Variants in IL6ST observed in about 807,000 individuals in gnomAD.
The protein encoded by IL6ST is interleukin 6 cytokine family signal transducer.
IL6ST carries 24 observed loss-of-function variants against 91.3 expected under a neutral mutation model. The ratio of observed to expected loss-of-function variants is 0.26; its 90% CI spans 0.19 to 0.37. The LOEUF (loss-of-function observed/expected upper bound fraction) is 0.37. Ranked by LOEUF, IL6ST falls within the 10% of genes least tolerant of loss-of-function variation. The pLI is 1.00. For missense variants in IL6ST, 914 were observed against 1,078.5 expected, an observed-to-expected ratio of 0.85 and a Z score of 2.14; for synonymous variants, 351 against 373.6, an observed-to-expected ratio of 0.94 and a Z score of 0.70.
intron 11 of IL6ST, 143 bp from the exon 12 acceptor site, chr5:55,952,494 T>C (rs777640313): frequency 1.9e-6 from 1 of 534,980 alleles, no homozygotes; most frequent in Non-Finnish European, 3.3e-6. Context: ...TTGTCTTTTG[T>C]GTACTGGATT....
intron 11 of IL6ST, among the ~76,000 whole-genome samples, chr5:55,953,675 C>T (rs1251857392): frequency 6.6e-6 from 1 of 152,198 alleles, no homozygotes; most frequent in South Asian, 2.1e-4. Flanking sequence ...CGTGAGCCAC[C>T]GCATCGGCTG....
chr5:55,958,958 T>C (rs1380257150), intron 8 of IL6ST, among the ~76,000 whole-genome samples: 4 of 151,880 alleles, frequency 2.6e-5, no homozygotes, highest in Non-Finnish European at 4.4e-5. Context: ...AGGCTGCTGG[T>C]ACAGAAGTTA....
In IL6ST at chr5:55,960,451, T is replaced by C. The variant is rs568564244; in HGVS notation, c.924A>G (p.Gly308=). 1.2e-6 allele frequency: 2 copies of C among 1,614,038 alleles called. No homozygotes were observed. The highest frequency in any genetic ancestry group is 2.7e-5 in the African/African-American group (2 of 75,026). The change falls in exon 8 of 17, where the codon GGA becomes GGG. Residue 308 remains glycine (G), a synonymous_variant. Transcript: ENST00000381298. ...CTTCTTCACTCCAGTCACTCCAGTA[T>C]CCCTTACCATCTTCCTTCATACAGC... The part of the protein sequence containing the change: ...RIRCMKEDGK[G]YWSDWSEEAS...
At chr5:55,963,845 T>C (rs1752480174) in intron 6 of IL6ST, among the ~76,000 whole-genome samples, 1 of 152,158 alleles carries the variant, frequency 6.6e-6, no homozygotes, top group African/African-American at 2.4e-5. Context: ...ACAGAAAACA[T>C]TCAAAGTGAA....
intron 8 of IL6ST, among the ~76,000 whole-genome samples, chr5:55,958,413 T>C (rs563137332): frequency 1.3e-5 from 2 of 152,336 alleles, no homozygotes; most frequent in African/African-American, 2.4e-5. Context: ...TCATTTTTAC[T>C]TATCATTGTT....
intron 1 of IL6ST, among the ~76,000 whole-genome samples, chr5:55,983,610 T>G (rs1470832684): frequency 6.6e-6 from 1 of 152,216 alleles, no homozygotes; most frequent in African/African-American, 2.4e-5. Context: ...TTCATACACA[T>G]TAAGCCTTTG....
At position 55,994,878 on chromosome 5, in the gene IL6ST, C is replaced by T. The variant is rs937884770; in HGVS notation, c.-198G>A. On this transcript the variant is annotated 5_prime_UTR_variant, in exon 1 of 17. Coordinates refer to ENST00000381298, the MANE Select transcript of IL6ST (RefSeq NM_002184.4). ...GACCCGTCGGCCTGGCAGGCGCGGC[C>T]CCCGGTTCAGCTGCGCCGGGGCGGC... is the stretch of plus-strand genomic sequence containing the variant. The T allele has an allele frequency of 6.6e-6, 1 of 152,400 alleles. No individual in the cohort carries two copies. Among genetic ancestry groups the T allele is most frequent in the South Asian group, 2.1e-4 (1 of 4,826 alleles). 9.4% of individuals were successfully genotyped at this position (152,400 alleles called of 1,614,324 possible). A position where few individuals can be genotyped will look rare whatever the true frequency, so the allele number is the denominator to read the frequency against.
At chr5:55,982,353 T>C (rs1439131681) in intron 2 of IL6ST, among the ~76,000 whole-genome samples, 5 of 152,274 alleles carry the variant, frequency 3.3e-5, no homozygotes, top group African/African-American at 9.6e-5. Flanking sequence ...AATTGCCAAA[T>C]AGAAGGCAAA....
rs763446698 is a variant in IL6ST at position 55,969,891 on chromosome 5, G to A, written c.65-36C>T. ...ACAATAGAAAATATATAAATGGACT[G>A]AATTTTTCTGGTACAAAATGATATC... On this transcript the variant is annotated intron_variant, in intron 3 of 16. Transcript: ENST00000381298. 5 of 1,400,468 alleles carry A rather than the reference G, an allele frequency of 3.6e-6. No homozygotes were observed. The Admixed American group carries it at 5.8e-5, about 16-fold the overall frequency. 86.8% of individuals were successfully genotyped at this position (1,400,468 alleles called of 1,614,324 possible).
chr5:55,951,056 T>G (rs1452214239), intron 14 of IL6ST, among the ~76,000 whole-genome samples: 1 of 152,006 alleles, frequency 6.6e-6, no homozygotes, highest in East Asian at 1.9e-4. Context: ...AGTGCAGGGG[T>G]GGGGTAGGAC....
chr5:55,947,982 A>G (rs1346920624), intron 14 of IL6ST, among the ~76,000 whole-genome samples: 4 of 152,258 alleles, frequency 2.6e-5, no homozygotes, highest in African/African-American at 9.6e-5. Context: ...CAGAGAAATT[A>G]TGTCAGAACA....
At chr5:55,989,520 C>G (rs1561208836) in intron 1 of IL6ST, among the ~76,000 whole-genome samples, 1 of 152,098 alleles carries the variant, frequency 6.6e-6, no homozygotes, top group Non-Finnish European at 1.5e-5. Flanking sequence ...TGCTTATGAC[C>G]TTAGGGCCTT....
chr5:55,957,427 T>C (rs945865886), intron 8 of IL6ST, 136 bp from the exon 9 acceptor site: 2 of 476,468 alleles, frequency 4.2e-6, no homozygotes, highest in Non-Finnish European at 7.4e-6. Context: ...TATACCAGCA[T>C]TTTCCCAACC....
At chr5:55,970,797 C>A (rs1391274244) in intron 3 of IL6ST, among the ~76,000 whole-genome samples, 1 of 152,114 alleles carries the variant, frequency 6.6e-6, no homozygotes, top group East Asian at 1.9e-4. Context: ...ATCCCAGCTG[C>A]TTGGGAGGCT....
At chr5:55,985,276 G>A (rs1430344432) in intron 1 of IL6ST, among the ~76,000 whole-genome samples, 1 of 152,104 alleles carries the variant, frequency 6.6e-6, no homozygotes, top group Non-Finnish European at 1.5e-5. Flanking sequence ...ATCACTTTGG[G>A]AGGCCGAAGT....
In IL6ST at chr5:55,960,372, C is replaced by T. The variant is rs1246055791; in HGVS notation, c.973+30G>A. On this transcript the variant is annotated intron_variant, in intron 8 of 16. Transcript: ENST00000381298. The stretch of plus-strand genomic sequence containing the variant: ...CAGTTCACATCTGGAATTCCAATAG[C>T]TTTACTTCTTCATATACTTATGTAC... 3.2e-6 allele frequency: 5 copies of T among 1,577,758 alleles called. No homozygotes were observed. The South Asian group carries it at 3.5e-5, about 11-fold the overall frequency.
chr5:55,956,596 C>T (rs1430181937), intron 9 of IL6ST, among the ~76,000 whole-genome samples: 1 of 152,058 alleles, frequency 6.6e-6, no homozygotes, highest in Non-Finnish European at 1.5e-5. Flanking sequence ...TTTTGATTAT[C>T]ACAAACTTTT....
rs1034137256 is a variant in IL6ST at position 55,936,745 on chromosome 5, A to C, written c.*4337T>G. The stretch of plus-strand genomic sequence containing the variant: ...TAACATTTGGAGTTATGTCAACATA[A>C]AAATAGCTGTGGTTACAATTAGCAC... On this transcript the variant is annotated 3_prime_UTR_variant, in exon 17 of 17. Transcript: ENST00000381298. 2 of 192,442 alleles carry C rather than the reference A, an allele frequency of 1.0e-5. No individual in the cohort carries two copies. Among genetic ancestry groups the C allele is most frequent in the Admixed American group, 6.1e-5 (1 of 16,368 alleles). 11.9% of individuals were successfully genotyped at this position (192,442 alleles called of 1,614,324 possible).
intron 1 of IL6ST, among the ~76,000 whole-genome samples, chr5:55,992,325 C>T (rs1378766697): frequency 1.3e-5 from 2 of 152,152 alleles, no homozygotes. Flanking sequence ...GTCGCTCAAG[C>T]GTACTGTATG....
Sources: allele counts gnomAD v4.1 joint callset (sites outside exome capture counted in the v4.1 genomes callset), GRCh38; gene constraint gnomAD v4.1.1; transcripts MANE v1.5; gene names NCBI Gene and HGNC (gene_info 2026-07-23, HGNC 2026-07-21).